TBC1D23: variants seen among roughly 807,000 people sequenced by gnomAD.
The protein encoded by TBC1D23 is HCV non-structural protein 4A-transactivated protein 1.
TBC1D23 carries 55 observed loss-of-function variants against 91.4 expected under a neutral mutation model. The observed-to-expected ratio is 0.60, with a 90% CI of 0.48 to 0.75. TBC1D23 has a LOEUF of 0.75. Ranked by LOEUF, TBC1D23 falls within the 30% of genes least tolerant of loss-of-function variation. The probability of loss-of-function intolerance (pLI) is 0.00; values close to 1 mark genes in which losing one functional copy is unlikely to be tolerated. For synonymous variants in TBC1D23, 289 were observed against 281.0 expected (o/e 1.03, Z -0.28); for missense variants, 725 against 836.1 (o/e 0.87, Z 1.64).
chr3:100,285,738 T>A (rs2148856514), intron 4 of TBC1D23, among the ~76,000 whole-genome samples: 1 of 152,340 alleles, frequency 6.6e-6, no homozygotes, highest in South Asian at 2.1e-4. Context: ...AACATTTGTC[T>A]TTTTGATTAT....
chr3:100,283,205 TC>T (rs1339250161), intron 3 of TBC1D23, among the ~76,000 whole-genome samples: 1 of 152,146 alleles, frequency 6.6e-6, no homozygotes, highest in Non-Finnish European at 1.5e-5. Context: ...AAACCCTGTC[TC>T]TACTAAAAGT....
Position 100,319,164 on chromosome 3 carries a change from C to T in TBC1D23, c.1783C>T (p.Pro595Ser), listed in dbSNP as rs367922492. The change falls in exon 17 of 19, where the codon CCT becomes TCT. Residue 595 changes from proline to serine, a missense_variant. Physicochemically the swap from Pro to Ser is moderately conservative, Grantham distance 74. Coordinates refer to ENST00000394144, the MANE Select transcript of TBC1D23 (RefSeq NM_001199198.3). Reference sequence around the variant, plus strand: ...CAAACCAGATGTCAAACATCATTTTCCTTGTAAAGAAGTAAAAGAAAGTGG... The same window carrying T: ...CAAACCAGATGTCAAACATCATTTTTCTTGTAAAGAAGTAAAAGAAAGTGG... ...INKPDVKHHF[P>S]CKEVKESGHM... 68 of 1,609,478 alleles carry T rather than the reference C, an allele frequency of 4.2e-5. No homozygotes were observed. In the African/African-American group the frequency reaches 8.7e-4, roughly 21 times the overall value.
chr3:100,294,408 G>A (rs995379279), intron 5 of TBC1D23, among the ~76,000 whole-genome samples: 2 of 151,780 alleles, frequency 1.3e-5, no homozygotes, highest in Admixed American at 6.6e-5. Flanking sequence ...CTACAGACAC[G>A]TGCCATCATG....
intron 1 of TBC1D23, 56 bp from the exon 2 acceptor site, chr3:100,279,593 G>A: frequency 8.2e-7 from 1 of 1,219,708 alleles, no homozygotes; most frequent in South Asian, 1.4e-5. Flanking sequence ...AATGAATCTT[G>A]AATAAGAAAA....
At chr3:100,322,808 A>T (rs1705884333) in intron 18 of TBC1D23, among the ~76,000 whole-genome samples, 1 of 152,072 alleles carries the variant, frequency 6.6e-6, no homozygotes, top group Non-Finnish European at 1.5e-5. Context: ...GATAGTCTTA[A>T]TAGTGGAAGA....
At chr3:100,315,843 T>A in intron 15 of TBC1D23, 1 of 477,888 alleles carries the variant, frequency 2.1e-6, no homozygotes, top group Non-Finnish European at 3.8e-6. Context: ...ATATTGAAAT[T>A]GTTTAAAATT....
intron 2 of TBC1D23, 50 bp from the exon 3 acceptor site, chr3:100,281,692 G>T: frequency 8.5e-7 from 1 of 1,182,450 alleles, no homozygotes; most frequent in East Asian, 2.4e-5. Flanking sequence ...TATTTTCCAA[G>T]AATGAGGAAT....
At chr3:100,277,581 G>A (rs1336535373) in intron 1 of TBC1D23, among the ~76,000 whole-genome samples, 1 of 152,064 alleles carries the variant, frequency 6.6e-6, no homozygotes, top group Admixed American at 6.6e-5. Context: ...GGAATAGTAG[G>A]GGATTTGGCA....
intron 4 of TBC1D23, among the ~76,000 whole-genome samples, chr3:100,285,133 T>C (rs2067729074): frequency 1.3e-5 from 2 of 152,238 alleles, no homozygotes; most frequent in African/African-American, 4.8e-5. Flanking sequence ...TATTGAGATA[T>C]AATTTATATT....
chr3:100,270,309 C>A (rs1239582263), intron 1 of TBC1D23, among the ~76,000 whole-genome samples: 1 of 152,090 alleles, frequency 6.6e-6, no homozygotes, highest in African/African-American at 2.4e-5. Context: ...AGAGGAAAAT[C>A]TAAATGAGAG....
intron 4 of TBC1D23, 108 bp from the exon 5 acceptor site, chr3:100,290,470 G>A (rs1256277817): frequency 1.0e-6 from 1 of 959,896 alleles, no homozygotes; most frequent in Non-Finnish European, 1.6e-6. Context: ...GCTACTGTCA[G>A]GTAGGCTTCC....
chr3:100,298,144 G>A (rs1705339819), intron 9 of TBC1D23, 99 bp downstream of exon 9: 2 of 1,027,222 alleles, frequency 1.9e-6, no homozygotes, highest in Non-Finnish European at 2.8e-6. Flanking sequence ...TCAATTTACT[G>A]CAACAAGGTG....
At chr3:100,289,178 G>A (rs976494518) in intron 4 of TBC1D23, among the ~76,000 whole-genome samples, 1 of 151,938 alleles carries the variant, frequency 6.6e-6, no homozygotes, top group Non-Finnish European at 1.5e-5. Flanking sequence ...TCACGCCATT[G>A]CACTCCAACC....
At chr3:100,310,656 G>A in intron 14 of TBC1D23, 114 bp downstream of exon 14, 1 of 771,296 alleles carries the variant, frequency 1.3e-6, no homozygotes, top group East Asian at 3.0e-5. Flanking sequence ...GGATTATAAA[G>A]TATATTTTCT....
chr3:100,320,218 CTG>C (rs1705825621), intron 17 of TBC1D23, among the ~76,000 whole-genome samples: 2 of 151,476 alleles, frequency 1.3e-5, no homozygotes, highest in Admixed American at 1.3e-4. Context: ...TGTCTGATAA[CTG>C]TCGTATTGTA....
chr3:100,309,086 A>C (rs191576591), intron 13 of TBC1D23, among the ~76,000 whole-genome samples: 1 of 152,298 alleles, frequency 6.6e-6, no homozygotes, highest in Non-Finnish European at 1.5e-5. Flanking sequence ...GGCAGGGAGA[A>C]TTGCTTGAAC....
intron 12 of TBC1D23, among the ~76,000 whole-genome samples, chr3:100,305,993 ATC>A (rs1253562138): frequency 6.6e-6 from 1 of 152,210 alleles, no homozygotes; most frequent in African/African-American, 2.4e-5. Context: ...ACCAAGAATA[ATC>A]TCTCTTTCCG....
intron 3 of TBC1D23, among the ~76,000 whole-genome samples, chr3:100,282,959 G>A (rs1011885755): frequency 7.2e-5 from 11 of 152,220 alleles, no homozygotes; most frequent in Non-Finnish European, 1.5e-4. Flanking sequence ...AATACTGAAT[G>A]TATAGAAGTC....
intron 5 of TBC1D23, among the ~76,000 whole-genome samples, chr3:100,292,227 A>G (rs1013796523): frequency 3.3e-5 from 5 of 152,230 alleles, no homozygotes; most frequent in Admixed American, 1.3e-4. Flanking sequence ...GGGGACTTCT[A>G]CGAGGTCCCC....
Sources: gnomAD v4.1 joint callset for allele counts (sites outside exome capture counted in the v4.1 genomes callset) on GRCh38, gnomAD v4.1.1 for gene constraint, MANE v1.5 for transcripts, NCBI Gene and HGNC (gene_info 2026-07-23, HGNC 2026-07-21) for gene names.